The following ABI3BP variants were observed in gnomAD, a reference collection of about 807,000 sequenced individuals.
ABI3BP encodes the protein ABI family member 3 binding protein, also known as target of Nesh-SH3.
ABI3BP carries 216 observed loss-of-function variants against 268.6 expected under a neutral mutation model. The observed-to-expected ratio is 0.80, with a 90% confidence interval of 0.72 to 0.90. The LOEUF is 0.90. Among genes scored for constraint, ABI3BP ranks in the 40% least tolerant of loss-of-function variants. The pLI, the probability that ABI3BP is intolerant of heterozygous loss-of-function variation, is 0.00. For synonymous variants in ABI3BP, 730 were observed against 730.0 expected (o/e 1.00, Z 0.00); for missense variants, 2,090 against 2,182.4 (o/e 0.96, Z 0.84).
intron 63 of ABI3BP, among the ~76,000 whole-genome samples, chr3:100,762,525 C>T (rs1383228406): frequency 6.6e-6 from 1 of 152,152 alleles, no homozygotes; most frequent in African/African-American, 2.4e-5. Context: ...CCTACACTTA[C>T]TTGGTATGCT....
chr3:100,985,830 T>C (rs1295608661), intron 1 of ABI3BP, among the ~76,000 whole-genome samples: 1 of 152,236 alleles, frequency 6.6e-6, no homozygotes, highest in Admixed American at 6.5e-5. Flanking sequence ...TGCCACAAAA[T>C]GCTTAATTCT....
intron 6 of ABI3BP, among the ~76,000 whole-genome samples, chr3:100,884,235 A>G (rs7625530): frequency 0.028 from 4,287 of 152,112 alleles, 205 homozygotes; most frequent in African/African-American, 0.098. Flanking sequence ...AAAAGCAGCA[A>G]AACCTAAAAA....
intron 20 of ABI3BP, among the ~76,000 whole-genome samples, chr3:100,844,859 C>G (rs1035223686): frequency 7.9e-5 from 12 of 152,162 alleles, no homozygotes; most frequent in African/African-American, 2.9e-4. Context: ...TAATTCTTCC[C>G]ATGTTAAAAG....
intron 40 of ABI3BP, among the ~76,000 whole-genome samples, chr3:100,819,471 T>C (rs1353166474): frequency 6.6e-6 from 1 of 152,090 alleles, no homozygotes; most frequent in Non-Finnish European, 1.5e-5. Flanking sequence ...CTGGGACAGG[T>C]TTTGATCTTG....
chr3:100,932,847 G>A (rs959361303), intron 1 of ABI3BP, among the ~76,000 whole-genome samples: 1 of 152,116 alleles, frequency 6.6e-6, no homozygotes, highest in Non-Finnish European at 1.5e-5. Flanking sequence ...CCATTACTGG[G>A]TATATACCCA....
At chr3:100,925,537 A>G (rs1353013290) in intron 2 of ABI3BP, among the ~76,000 whole-genome samples, 1 of 151,866 alleles carries the variant, frequency 6.6e-6, no homozygotes, top group Non-Finnish European at 1.5e-5. Flanking sequence ...CTTTAGCCTC[A>G]CAAGTAGCTG....
At chr3:100,855,851 A>G (rs1454236413) in intron 14 of ABI3BP, among the ~76,000 whole-genome samples, 1 of 152,252 alleles carries the variant, frequency 6.6e-6, no homozygotes, top group Non-Finnish European at 1.5e-5. Flanking sequence ...TCACAGTACC[A>G]CTTAAATACA....
At chr3:100,931,162 C>A (rs987616980) in intron 1 of ABI3BP, among the ~76,000 whole-genome samples, 2 of 152,046 alleles carry the variant, frequency 1.3e-5, no homozygotes, top group African/African-American at 4.8e-5. Context: ...TAAAAATCCT[C>A]AACAAACTAG....
intron 1 of ABI3BP, among the ~76,000 whole-genome samples, chr3:100,980,898 A>ATTGC (rs1351482553): frequency 6.6e-6 from 1 of 152,250 alleles, no homozygotes; most frequent in Non-Finnish European, 1.5e-5. Flanking sequence ...ATTCTCTGCA[A>ATTGC]GTTCTTCAAA....
chr3:100,827,615 GA>G (rs1320544373), intron 34 of ABI3BP, among the ~76,000 whole-genome samples: 2 of 152,002 alleles, frequency 1.3e-5, no homozygotes, highest in African/African-American at 4.8e-5. Context: ...AGATTTTCCT[GA>G]ACTTCAGAAA....
chr3:100,962,221 A>T (rs2079395613), intron 1 of ABI3BP, among the ~76,000 whole-genome samples: 2 of 151,662 alleles, frequency 1.3e-5, no homozygotes, highest in Non-Finnish European at 2.9e-5. Flanking sequence ...CTGGACAGAA[A>T]CTCCCTCAAA....
Position 100,822,609 on chromosome 3 carries a change from T to C in ABI3BP, c.2867A>G (p.Glu956Gly), listed in dbSNP as rs758224480. ...TTTACCTGGTTTGGATTCAGGTGCT[T>C]CAGGACGTGGTGTGGTTTTTGTTCT... is the stretch of plus-strand genomic sequence containing the variant. ...RLRTKTTPRP[E>G]APESKPVPTA... Residue 956 changes from glutamate (E) to glycine (G), a missense_variant, in exon 38 of 68, where the codon GAA (glutamate) becomes GGA (glycine). By Grantham distance (98) the Glu-to-Gly change is moderately conservative. Transcript: ENST00000471714. The C allele has an allele frequency of 2.9e-5, 44 of 1,536,460 alleles. No individual in the cohort carries two copies. The highest frequency in any genetic ancestry group is 1.4e-5 in the African/African-American group (1 of 73,028).
intron 39 of ABI3BP, 94 bp from the exon 40 acceptor site, chr3:100,820,397 G>A: frequency 1.1e-6 from 1 of 934,980 alleles, no homozygotes; most frequent in Non-Finnish European, 1.5e-6. Context: ...AAACTTACTA[G>A]ATTTTCTCAT....
rs1211803117 is a variant in ABI3BP at position 100,862,388 on chromosome 3, A to G, written c.1211-3T>C. ...AATCCATGGCTTTTCACTTGAAGCT[A>G]TATTGAAAAGAAATGGAATTTGCTG... On this transcript the variant is annotated splice_polypyrimidine_tract_variant and splice_region_variant and intron_variant, in intron 13 of 67. Coordinates refer to ENST00000471714, the MANE Select transcript of ABI3BP (RefSeq NM_001375547.2). The G allele has an allele frequency of 1.9e-6, 3 of 1,568,418 alleles. No homozygotes were observed. Among genetic ancestry groups the G allele is most frequent in the Non-Finnish European group, 2.6e-6 (3 of 1,160,772 alleles).
intron 14 of ABI3BP, among the ~76,000 whole-genome samples, chr3:100,858,560 T>C (rs567131436): frequency 3.9e-5 from 6 of 152,186 alleles, no homozygotes; most frequent in African/African-American, 1.4e-4. Context: ...ATATTCTGAT[T>C]TGCTGATACA....
intron 1 of ABI3BP, among the ~76,000 whole-genome samples, chr3:100,987,429 A>G (rs1457998187): frequency 2.0e-5 from 3 of 152,234 alleles, no homozygotes. Flanking sequence ...AGTATCTTAT[A>G]GCCCAATATA....
Position 100,849,021 on chromosome 3 carries a change from A to G in ABI3BP, c.1502-146T>C, listed in dbSNP as rs977846991. 4.1e-5 allele frequency: 28 copies of G among 683,754 alleles called. No individual in the cohort carries two copies. The African/African-American group carries it at 5.2e-4, about 13-fold the overall frequency. 42.4% of individuals were successfully genotyped at this position (683,754 alleles called of 1,614,324 possible). A position where few individuals can be genotyped will look rare whatever the true frequency, so the allele number is the denominator to read the frequency against. ...ATGTCCAGTATACCTTGTTTTATAC[A>G]CAGGAGGTGCTCAATAAACAAGGGG... On this transcript the variant is annotated intron_variant, in intron 17 of 67. Transcript: ENST00000471714.
intron 2 of ABI3BP, among the ~76,000 whole-genome samples, chr3:100,908,151 C>T (rs1165981951): frequency 2.6e-5 from 4 of 151,508 alleles, no homozygotes; most frequent in African/African-American, 7.3e-5. Flanking sequence ...AAAAAGTAAG[C>T]CTATTTCCAC....
At chr3:100,888,592 T>C (rs1409323684) in intron 4 of ABI3BP, among the ~76,000 whole-genome samples, 1 of 152,126 alleles carries the variant, frequency 6.6e-6, no homozygotes, top group East Asian at 1.9e-4. Flanking sequence ...AATGTTTTGT[T>C]CTTTAAAAAG....
Sources: gnomAD v4.1 joint callset for allele counts (sites outside exome capture counted in the v4.1 genomes callset) on GRCh38, gnomAD v4.1.1 for gene constraint, MANE v1.5 for transcripts, NCBI Gene and HGNC (gene_info 2026-07-23, HGNC 2026-07-21) for gene names.